ACER3: variants seen among roughly 807,000 people sequenced by gnomAD.
The protein encoded by ACER3 is alkCDase 3.
A neutral mutation model predicts 48.9 loss-of-function variants in ACER3; 16 were observed. The ratio of observed to expected loss-of-function variants is 0.33; its 90% confidence interval spans 0.22 to 0.50. The LOEUF (loss-of-function observed/expected upper bound fraction) is 0.50, where lower values mean the gene tolerates loss of function less well. ACER3 is among the 20% of genes least tolerant of loss of function. The probability of loss-of-function intolerance (pLI) is 0.98; values close to 1 mark genes in which losing one functional copy is unlikely to be tolerated. For missense variants in ACER3, 227 were observed against 326.0 expected, an observed-to-expected ratio of 0.70 and a Z score of 2.34; for synonymous variants, 109 against 107.8, an observed-to-expected ratio of 1.01 and a Z score of -0.07.
chr11:76,977,427 G>A (rs1948470666), intron 4 of ACER3, among the ~76,000 whole-genome samples: 1 of 152,184 alleles, frequency 6.6e-6, no homozygotes, highest in African/African-American at 2.4e-5. Flanking sequence ...TCTTCTATTT[G>A]AGTAAGTTAG....
chr11:76,918,858 T>C (rs1451352633), intron 1 of ACER3, among the ~76,000 whole-genome samples: 3 of 152,232 alleles, frequency 2.0e-5, no homozygotes, highest in Non-Finnish European at 2.9e-5. Context: ...ATGCCTACTC[T>C]AAATTGTGAA....
At chr11:76,897,103 G>A (rs1225934931) in intron 1 of ACER3, among the ~76,000 whole-genome samples, 1 of 152,050 alleles carries the variant, frequency 6.6e-6, no homozygotes, top group Non-Finnish European at 1.5e-5. Flanking sequence ...GATTGCAGGT[G>A]TGTGCCACTA....
chr11:77,016,101 C>T (rs772058217), intron 8 of ACER3, among the ~76,000 whole-genome samples: 4 of 92,470 alleles, frequency 4.3e-5, no homozygotes, highest in Non-Finnish European at 8.4e-5. Flanking sequence ...AGCAAGACTC[C>T]GTCTCAGGGA....
intron 2 of ACER3, among the ~76,000 whole-genome samples, chr11:76,948,314 T>G (rs1947538008): frequency 6.7e-6 from 1 of 150,180 alleles, no homozygotes. Flanking sequence ...ACAGATAAAT[T>G]AGAGAATGAT....
At chr11:77,005,684 C>T (rs1555020761) in intron 7 of ACER3, among the ~76,000 whole-genome samples, 1 of 151,836 alleles carries the variant, frequency 6.6e-6, no homozygotes, top group East Asian at 1.9e-4. Context: ...TTTGCCTTGT[C>T]ACATGGCATT....
At chr11:76,985,598 T>C (rs867663483) in intron 4 of ACER3, 45 bp from the exon 5 acceptor site, 2 of 1,214,042 alleles carry the variant, frequency 1.6e-6, no homozygotes, top group Non-Finnish European at 2.3e-6. Context: ...TTTATGTTCC[T>C]ACTTATATAT....
At chr11:76,971,491 G>T (rs1948302834) in intron 3 of ACER3, among the ~76,000 whole-genome samples, 1 of 151,466 alleles carries the variant, frequency 6.6e-6, no homozygotes, top group Non-Finnish European at 1.5e-5. Context: ...AGTGAGCCAA[G>T]ATCGCGCCAC....
chr11:77,006,890 G>T (rs781889644), intron 7 of ACER3, among the ~76,000 whole-genome samples: 5 of 151,964 alleles, frequency 3.3e-5, no homozygotes, highest in Admixed American at 2.0e-4. Context: ...TGGGAGGATC[G>T]CTTGAGGCCA....
chr11:77,002,842 C>T (rs1949060972), intron 7 of ACER3, among the ~76,000 whole-genome samples: 1 of 152,224 alleles, frequency 6.6e-6, no homozygotes, highest in South Asian at 2.1e-4. Context: ...ATAAGCCAGT[C>T]ACAAGAGGAC....
intron 2 of ACER3, among the ~76,000 whole-genome samples, chr11:76,930,518 T>C (rs1946968068): frequency 6.6e-6 from 1 of 152,052 alleles, no homozygotes. Context: ...CTTTTGAATG[T>C]GTTTGCTCTT....
At chr11:76,995,863 C>T (rs1349692773) in intron 6 of ACER3, among the ~76,000 whole-genome samples, 2 of 152,092 alleles carry the variant, frequency 1.3e-5, no homozygotes, top group African/African-American at 4.8e-5. Flanking sequence ...CAACATATTC[C>T]CTGGGAAATT....
intron 2 of ACER3, among the ~76,000 whole-genome samples, chr11:76,941,589 TCAGC>T (rs1947344618): frequency 6.6e-6 from 1 of 152,098 alleles, no homozygotes; most frequent in African/African-American, 2.4e-5. Flanking sequence ...ATATGATGCC[TCAGC>T]CTTGTTCTTT....
chr11:76,892,744 C>T (rs1335307754), intron 1 of ACER3, among the ~76,000 whole-genome samples: 1 of 151,998 alleles, frequency 6.6e-6, no homozygotes, highest in African/African-American at 2.4e-5. Flanking sequence ...TGCTGAGGAA[C>T]TTGATATAAG....
At chr11:76,881,254 CAAAAA>C (rs5792745) in intron 1 of ACER3, among the ~76,000 whole-genome samples, 1 of 116,522 alleles carries the variant, frequency 8.6e-6, no homozygotes, top group Non-Finnish European at 1.7e-5. Flanking sequence ...GATAATGTCT[CAAAAA>C]AAAAAAAAAA....
At chr11:76,977,400 G>T (rs933946795) in intron 4 of ACER3, among the ~76,000 whole-genome samples, 1 of 152,210 alleles carries the variant, frequency 6.6e-6, no homozygotes, top group Non-Finnish European at 1.5e-5. Flanking sequence ...AGGAGGGTGG[G>T]TGAGGTTAGC....
intron 6 of ACER3, among the ~76,000 whole-genome samples, chr11:76,992,793 C>T (rs943595170): frequency 1.6e-4 from 25 of 152,274 alleles, no homozygotes; most frequent in African/African-American, 6.0e-4. Flanking sequence ...AATCTGTCTC[C>T]TCCACTTACT....
intron 9 of ACER3, among the ~76,000 whole-genome samples, chr11:77,018,383 G>A (rs1949411862): frequency 6.6e-6 from 1 of 152,108 alleles, no homozygotes; most frequent in South Asian, 2.1e-4. Flanking sequence ...TTCTCCTCCA[G>A]CCTCCCTAAT....
chr11:77,006,155 A>G (rs1267643469), intron 7 of ACER3, among the ~76,000 whole-genome samples: 3 of 150,294 alleles, frequency 2.0e-5, no homozygotes, highest in East Asian at 2.0e-4. Context: ...TGCCTGGCTA[A>G]TTTTCATATT....
rs1237224826 is a variant in ACER3, at chr11:77,023,760, A to G, written c.*3433A>G. On this transcript the variant is annotated 3_prime_UTR_variant, in exon 11 of 11. Coordinates refer to ENST00000532485, the MANE Select transcript of ACER3 (RefSeq NM_018367.7). The stretch of plus-strand genomic sequence containing the variant: ...TTTTCAGTGTCTACAATTATAGCTT[A>G]TTCACTATGTTCTAACTATTTAAAA... 6.6e-6 allele frequency: 1 copy of G among 152,184 alleles called. No individual in the cohort carries two copies. The highest frequency in any genetic ancestry group is 1.5e-5 in the Non-Finnish European group (1 of 68,066). The allele number at this position is 152,184 out of a possible 1,614,324, so 9.4% of individuals were successfully genotyped here.
Sources: gnomAD v4.1 joint callset for allele counts (sites outside exome capture counted in the v4.1 genomes callset) on GRCh38, gnomAD v4.1.1 for gene constraint, MANE v1.5 for transcripts, NCBI Gene and HGNC (gene_info 2026-07-23, HGNC 2026-07-21) for gene names.